The following RHBDD1 variants were observed in gnomAD, a reference collection of about 807,000 sequenced individuals.
RHBDD1 encodes the protein rhomboid-related protein 4.
Under a neutral mutation model 36.3 loss-of-function variants are expected in RHBDD1, and 38 were observed. That is an observed-to-expected ratio of 1.05 (90% CI 0.81 to 1.37). RHBDD1 has a LOEUF of 1.37. RHBDD1 is among the 40% of genes most tolerant of loss of function. The pLI is 0.00. For missense variants in RHBDD1, 393 were observed against 377.6 expected (o/e 1.04, Z -0.34); for synonymous variants, 151 against 136.5 (o/e 1.11, Z -0.74).
At position 226,996,686 on chromosome 2, in the gene RHBDD1, C is replaced by T. The variant is rs1959418949; in HGVS notation, c.*1164C>T. 1 of 152,188 alleles carries T rather than the reference C, an allele frequency of 6.6e-6. No homozygotes were observed. The highest frequency in any genetic ancestry group is 2.1e-4 in the South Asian group (1 of 4,830). The allele number at this position is 152,188 out of a possible 1,614,324, so 9.4% of individuals were successfully genotyped here. On this transcript the variant is annotated 3_prime_UTR_variant, in exon 9 of 9. Transcript: ENST00000392062. ...AGGCAAACATCTGGAAAGAAATATA[C>T]CCAAATCTTAGCAGGGGTTATCTTT...
intron 8 of RHBDD1, among the ~76,000 whole-genome samples, chr2:226,970,592 C>T (rs1459445691): frequency 6.6e-6 from 1 of 152,178 alleles, no homozygotes; most frequent in Non-Finnish European, 1.5e-5. Context: ...GCTCAGGCAG[C>T]AGGTGTGTAG....
intron 8 of RHBDD1, among the ~76,000 whole-genome samples, chr2:226,951,787 G>C (rs1951442570): frequency 6.6e-6 from 1 of 152,220 alleles, no homozygotes; most frequent in African/African-American, 2.4e-5. Context: ...TATATTCATA[G>C]TTGCAATGTC....
intron 8 of RHBDD1, among the ~76,000 whole-genome samples, chr2:226,967,508 A>G (rs972424949): frequency 4.0e-5 from 6 of 149,194 alleles, no homozygotes; most frequent in Non-Finnish European, 8.9e-5. Flanking sequence ...AACATTAGGT[A>G]TATCTCCTAA....
At chr2:226,802,295 A>G in the RHBDD1 span, among the ~76,000 whole-genome samples, 5 of 152,232 alleles carry the variant, frequency 3.3e-5, no homozygotes, top group Non-Finnish European at 5.9e-5. Flanking sequence ...GCTGTGACAA[A>G]TTATGTTCAG....
At chr2:226,896,737 T>C (rs971972564) in intron 5 of RHBDD1, among the ~76,000 whole-genome samples, 6 of 152,140 alleles carry the variant, frequency 3.9e-5, no homozygotes, top group Admixed American at 2.6e-4. Flanking sequence ...ACACAGGCCT[T>C]ATGTACCGTG....
At chr2:226,967,655 TA>T (rs1427346678) in intron 8 of RHBDD1, among the ~76,000 whole-genome samples, 1 of 152,042 alleles carries the variant, frequency 6.6e-6, no homozygotes, top group Admixed American at 6.6e-5. Context: ...GTCATTGTTG[TA>T]GTAATTTTTC....
At chr2:226,867,694 T>C in intron 5 of RHBDD1, 1 of 955,722 alleles carries the variant, frequency 1.0e-6, no homozygotes, top group Middle Eastern at 5.4e-4. Flanking sequence ...ATAAGGTATG[T>C]TGATCTAATG....
chr2:226,883,710 T>A (rs1945973008), intron 5 of RHBDD1, among the ~76,000 whole-genome samples: 1 of 152,188 alleles, frequency 6.6e-6, no homozygotes. Context: ...AGTACTATGT[T>A]GGATGTCCCA....
chr2:226,837,015 C>T (rs1941050358), intron 1 of RHBDD1, among the ~76,000 whole-genome samples: 1 of 152,216 alleles, frequency 6.6e-6, no homozygotes, highest in Non-Finnish European at 1.5e-5. Context: ...TTATCCCAAA[C>T]TTACTGAATC....
chr2:226,864,510 C>A lies in RHBDD1; in HGVS notation c.-90-94C>A, dbSNP rs1014464171. ...ATATTTCTGTTAGAATGAGAAGTAG[C>A]ATTTGCCTCATGGGAGTTTGTCTTG... On this transcript the variant is annotated intron_variant, in intron 3 of 8. Coordinates refer to ENST00000392062, the MANE Select transcript of RHBDD1 (RefSeq NM_001167608.3). The A allele has an allele frequency of 6.9e-6, 4 of 581,312 alleles. No individual in the cohort carries two copies. The African/African-American group carries it at 7.5e-5, about 11-fold the overall frequency. 36.0% of individuals were successfully genotyped at this position (581,312 alleles called of 1,614,324 possible).
At chr2:226,975,409 A>G (rs1276151197) in intron 8 of RHBDD1, among the ~76,000 whole-genome samples, 2 of 152,142 alleles carry the variant, frequency 1.3e-5, no homozygotes, top group African/African-American at 4.8e-5. Context: ...CCCGAACTCA[A>G]TGACAGTTTG....
At chr2:226,924,434 G>A (rs1244167064) in intron 8 of RHBDD1, among the ~76,000 whole-genome samples, 2 of 152,124 alleles carry the variant, frequency 1.3e-5, no homozygotes, top group African/African-American at 2.4e-5. Context: ...CTCAAGCACT[G>A]GGAAATAGTC....
intron 6 of RHBDD1, among the ~76,000 whole-genome samples, chr2:226,907,433 A>G (rs1323615127): frequency 3.3e-5 from 5 of 152,316 alleles, no homozygotes; most frequent in Admixed American, 2.0e-4. Flanking sequence ...TTGATACTCA[A>G]TGAAAATATT....
At chr2:226,929,590 A>T (rs1559283401) in intron 8 of RHBDD1, among the ~76,000 whole-genome samples, 1 of 152,076 alleles carries the variant, frequency 6.6e-6, no homozygotes, top group African/African-American at 2.4e-5. Flanking sequence ...TAAGAACTGG[A>T]ACAAGATAAG....
intron 5 of RHBDD1, among the ~76,000 whole-genome samples, chr2:226,901,115 C>T (rs1947549850): frequency 6.6e-6 from 1 of 152,106 alleles, no homozygotes; most frequent in Non-Finnish European, 1.5e-5. Flanking sequence ...TGAGATCATA[C>T]AGTATTTGTC....
At chr2:226,817,239 T>C in the RHBDD1 span, among the ~76,000 whole-genome samples, 1 of 152,216 alleles carries the variant, frequency 6.6e-6, no homozygotes, top group South Asian at 2.1e-4. Flanking sequence ...AGTTCATTGG[T>C]CAGTGTCATC....
At chr2:226,887,312 TA>T (rs1946308571) in intron 5 of RHBDD1, among the ~76,000 whole-genome samples, 1 of 152,242 alleles carries the variant, frequency 6.6e-6, no homozygotes, top group South Asian at 2.1e-4. Flanking sequence ...TGATGTGTTC[TA>T]ATTGCATCTG....
chr2:226,931,257 A>T lies in RHBDD1; in HGVS notation c.856+16906A>T, dbSNP rs971637327. Among the ~76,000 whole-genome samples the T allele has an allele frequency of 1.3e-5, 2 of 152,104 alleles. 1 individual carries two copies. The highest frequency in any genetic ancestry group is 4.1e-4 in the South Asian group (2 of 4,826). On this transcript the variant is annotated intron_variant, in intron 8 of 8. Coordinates refer to ENST00000392062, the MANE Select transcript of RHBDD1 (RefSeq NM_001167608.3). The stretch of plus-strand genomic sequence containing the variant: ...TACGGAAACAAGTGTCCATCAACCA[A>T]TGAGTAAAGAAAATGTGATATATAT...
chr2:226,899,834 G>A (rs958734735), intron 5 of RHBDD1, among the ~76,000 whole-genome samples: 3 of 152,168 alleles, frequency 2.0e-5, no homozygotes, highest in African/African-American at 7.2e-5. Flanking sequence ...TTGGCAAGGA[G>A]GAAACTGAAC....
Sources: gnomAD v4.1 joint callset for allele counts (sites outside exome capture counted in the v4.1 genomes callset) on GRCh38, gnomAD v4.1.1 for gene constraint, MANE v1.5 for transcripts, NCBI Gene and HGNC (gene_info 2026-07-23, HGNC 2026-07-21) for gene names.